Variants in BCO2 observed in about 807,000 individuals in gnomAD.
The protein encoded by BCO2 is carotenoid-cleaving dioxygenase, mitochondrial.
A neutral mutation model predicts 65.8 loss-of-function variants in BCO2; 56 were observed. The observed-to-expected ratio is 0.85, with a 90% CI of 0.69 to 1.06. The LOEUF is 1.06. Ranked by LOEUF, BCO2 falls within the 50% of genes least tolerant of loss-of-function variation. The probability of loss-of-function intolerance (pLI) is 0.00; values close to 1 mark genes in which losing one functional copy is unlikely to be tolerated. For synonymous variants in BCO2, 233 were observed against 242.3 expected (o/e 0.96, Z 0.36); for missense variants, 675 against 698.5 (o/e 0.97, Z 0.38).
chr11:112,193,476 A>T lies in BCO2; in HGVS notation c.296A>T (p.Tyr99Phe), dbSNP rs777114529. 1 of 1,613,672 alleles carries T rather than the reference A, an allele frequency of 6.2e-7. No individual in the cohort carries two copies. The highest frequency in any genetic ancestry group is 8.5e-7 in the Non-Finnish European group (1 of 1,179,614). Residue 99 changes from tyrosine (Y) to phenylalanine (F), a missense_variant and splice_region_variant, in exon 3 of 12, where the codon TAC (tyrosine) becomes TTC (phenylalanine). Transcript: ENST00000357685. ...TATTTATTTTCTCCTGTTTGAAGGT[A>T]CAATCATTGGTTTGATGGGATGGCG... ...PGKFEFGKDKYNHWFDGMALL... is the reference protein window; with the variant it reads ...PGKFEFGKDKFNHWFDGMALL...
chr11:112,214,884 C>T lies in BCO2; in HGVS notation c.1455C>T (p.Gly485=), dbSNP rs749372171. The T allele has an allele frequency of 3.7e-6, 6 of 1,614,024 alleles. No individual in the cohort carries two copies. Among genetic ancestry groups the T allele is most frequent in the Non-Finnish European group, 5.1e-6 (6 of 1,180,036 alleles). Residue 485 remains glycine, a synonymous_variant, in exon 10 of 12, where the codon GGC becomes GGT. Transcript: ENST00000357685. Reference sequence around the variant, plus strand: ...AGTATCATTTCTTTTATGGCTGTGGCTTTCGGCATTTAGTGGGGGATTCTC... The same window carrying T: ...AGTATCATTTCTTTTATGGCTGTGGTTTTCGGCATTTAGTGGGGGATTCTC... ...GKKYHFFYGC[G]FRHLVGDSLI...
In BCO2 at chr11:112,181,205, G is replaced by A. The variant is rs1867034303; in HGVS notation, c.293+1723G>A. 13 of 707,652 alleles carry A rather than the reference G, an allele frequency of 1.8e-5. 1 individual carries two copies. The highest frequency in any genetic ancestry group is 1.7e-4 in the Admixed American group (7 of 42,290). 43.8% of individuals were successfully genotyped at this position (707,652 alleles called of 1,614,324 possible). Reference sequence around the variant, plus strand: ...CTTTTTTTTTTTTTTTTTTTGAGACGGAGTCTCGCTCTGTCGCCCAGGCTG... The same window carrying A: ...CTTTTTTTTTTTTTTTTTTTGAGACAGAGTCTCGCTCTGTCGCCCAGGCTG... On this transcript the variant is annotated intron_variant, in intron 2 of 11. Coordinates refer to ENST00000357685, the MANE Select transcript of BCO2 (RefSeq NM_031938.7).
At chr11:112,176,529 A>T (rs1303983310) in intron 1 of BCO2, 1 of 48,040 alleles carries the variant, frequency 2.1e-5, no homozygotes, top group East Asian at 9.5e-4. Context: ...GGGGGGGGGG[A>T]ATTAAACATT....
rs1423618335 is a variant in BCO2 at position 112,207,099 on chromosome 11, G to A, written c.1194+4909G>A. On this transcript the variant is annotated intron_variant, in intron 8 of 11. Coordinates refer to ENST00000357685, the MANE Select transcript of BCO2 (RefSeq NM_031938.7). Reference sequence around the variant, plus strand: ...CCACAGATTATTTTGGATTTTCTATGTGCACAGTCATGTTACCTGAAAATA... The same window carrying A: ...CCACAGATTATTTTGGATTTTCTATATGCACAGTCATGTTACCTGAAAATA... 2.6e-5 allele frequency among the ~76,000 whole-genome samples: 4 copies of A among 152,092 alleles called. No homozygotes were observed. In the East Asian group the frequency reaches 7.7e-4, roughly 29 times the overall value.
At chr11:112,176,254 A>G (rs1866876848) in intron 1 of BCO2, 1 of 153,114 alleles carries the variant, frequency 6.5e-6, no homozygotes, top group Non-Finnish European at 1.5e-5. Flanking sequence ...CTGGAAGGAG[A>G]GAGGAGACAA....
chr11:112,215,504 A>T (rs977295586), intron 10 of BCO2: 14 of 156,074 alleles, frequency 9.0e-5, no homozygotes, highest in African/African-American at 9.7e-5. Context: ...AGGTCAGGAA[A>T]TCAAGACCAT....
intron 1 of BCO2, among the ~76,000 whole-genome samples, chr11:112,178,093 T>C (rs1269413681): frequency 1.3e-5 from 2 of 151,746 alleles, no homozygotes; most frequent in East Asian, 3.9e-4. Context: ...TTTTGTATTT[T>C]TAGTAAAGAT....
chr11:112,213,159 T>A (rs1337666261), intron 8 of BCO2, among the ~76,000 whole-genome samples: 1 of 118,640 alleles, frequency 8.4e-6, no homozygotes, highest in African/African-American at 3.1e-5. Flanking sequence ...TTTTTTTTTT[T>A]TGTGACGGAG....
chr11:112,217,721 GA>G (rs1859723548), intron 11 of BCO2, 39 bp from the exon 12 acceptor site: 10 of 1,506,766 alleles, frequency 6.6e-6, no homozygotes, highest in Non-Finnish European at 9.2e-6. Flanking sequence ...AATTTTTGAT[GA>G]AAAAAAGATA....
intron 2 of BCO2, chr11:112,182,817 C>T (rs1364727549): frequency 2.1e-5 from 14 of 656,108 alleles, no homozygotes; most frequent in African/African-American, 1.4e-4. Context: ...CAAACCGGCA[C>T]GTGGTGCACA....
chr11:112,192,858 T>G (rs1309291193), intron 2 of BCO2, among the ~76,000 whole-genome samples: 1 of 143,980 alleles, frequency 6.9e-6, no homozygotes, highest in Non-Finnish European at 1.5e-5. Flanking sequence ...TGCTATTATC[T>G]TAGCTGTGGA....
At chr11:112,178,953 A>G (rs1388294137) in intron 1 of BCO2, among the ~76,000 whole-genome samples, 8 of 152,240 alleles carry the variant, frequency 5.3e-5, no homozygotes, top group Admixed American at 5.2e-4. Flanking sequence ...GTAAAAAGAC[A>G]GGTATTGTTC....
chr11:112,187,059 C>T (rs1867221150), intron 2 of BCO2, among the ~76,000 whole-genome samples: 1 of 152,194 alleles, frequency 6.6e-6, no homozygotes, highest in East Asian at 1.9e-4. Context: ...TACAGAATTT[C>T]TCCACCCCTG....
intron 6 of BCO2, chr11:112,200,225 A>G (rs1479519847): frequency 5.4e-6 from 1 of 184,204 alleles, no homozygotes; most frequent in Non-Finnish European, 1.1e-5. Flanking sequence ...TTAAATCATT[A>G]TAGCCAAACT....
Position 112,179,306 on chromosome 11 carries a change from T to C in BCO2, c.117T>C (p.Pro39=), listed in dbSNP as rs762956144. Residue 39 remains proline (P), a synonymous_variant, in exon 2 of 12, where the codon CCT becomes CCC. Transcript: ENST00000357685. ...TCAAAAGGTACATGGGAAATACTCC[T>C]CAGAAAAAAGCCGTCTTTGGGCAGT... ...PVFKRYMGNT[P]QKKAVFGQCR... The C allele has an allele frequency of 1.2e-6, 2 of 1,614,200 alleles. No homozygotes were observed. Among genetic ancestry groups the C allele is most frequent in the Non-Finnish European group, 1.7e-6 (2 of 1,180,028 alleles).
At chr11:112,180,202 G>A (rs1283113219) in intron 2 of BCO2, among the ~76,000 whole-genome samples, 2 of 151,994 alleles carry the variant, frequency 1.3e-5, no homozygotes, top group African/African-American at 2.4e-5. Flanking sequence ...CATTCCCATG[G>A]ATTTGTCTTA....
At chr11:112,191,456 C>A (rs892390687) in intron 2 of BCO2, among the ~76,000 whole-genome samples, 5 of 152,086 alleles carry the variant, frequency 3.3e-5, no homozygotes, top group African/African-American at 1.2e-4. Context: ...AACTTTAAAA[C>A]ACCCTTGGAA....
chr11:112,176,853 A>G (rs1470546077), intron 1 of BCO2, among the ~76,000 whole-genome samples: 1 of 152,230 alleles, frequency 6.6e-6, no homozygotes, highest in Admixed American at 6.5e-5. Flanking sequence ...AATAAGTAAT[A>G]AAACTAGCAG....
intron 2 of BCO2, among the ~76,000 whole-genome samples, chr11:112,192,630 A>G (rs1261564205): frequency 6.6e-6 from 1 of 151,628 alleles, no homozygotes; most frequent in African/African-American, 2.4e-5. Context: ...TAAGATATGA[A>G]GATAACTATT....
Sources: allele counts gnomAD v4.1 joint callset (sites outside exome capture counted in the v4.1 genomes callset), GRCh38; gene constraint gnomAD v4.1.1; transcripts MANE v1.5; gene names NCBI Gene and HGNC (gene_info 2026-07-23, HGNC 2026-07-21).